The following TULP4 variants were observed in gnomAD, a reference collection of about 807,000 sequenced individuals.
TULP4 encodes the protein tubby-related protein 4.
In TULP4, 16 loss-of-function variants were observed where a neutral mutation model predicts 129.0. That is an observed-to-expected ratio of 0.12 (90% confidence interval 0.08 to 0.19). The LOEUF is 0.19. TULP4 is among the 10% of genes least tolerant of loss of function. TULP4 has a pLI of 1.00. For missense variants in TULP4, 1,842 were observed against 2,059.1 expected (o/e 0.89, Z 2.04); for synonymous variants, 998 against 854.0 (o/e 1.17, Z -2.94).
intron 1 of TULP4, among the ~76,000 whole-genome samples, chr6:158,245,375 T>A (rs1050151185): frequency 6.6e-5 from 10 of 152,096 alleles, no homozygotes; most frequent in African/African-American, 2.4e-4. Flanking sequence ...TGACTTCTGC[T>A]GTTCCTTCTC....
At chr6:158,302,990 C>T (rs113248456) in intron 1 of TULP4, among the ~76,000 whole-genome samples, 4,339 of 149,888 alleles carry the variant, frequency 0.029, 221 homozygotes, top group African/African-American at 0.1. Flanking sequence ...GGGATGTTTA[C>T]GCCAGGAGGA....
rs1780152119 is a variant in TULP4, at chr6:158,489,648, C to T, written c.1547C>T (p.Ser516Phe). The T allele has an allele frequency of 6.2e-7, 1 of 1,614,204 alleles. No homozygotes were observed. Among genetic ancestry groups the T allele is most frequent in the South Asian group, 1.1e-5 (1 of 91,086 alleles). ...TVIDSCNCSD[S>F]SDIELSDDWA... ...ATCGACAGCTGCAACTGCTCAGACT[C>T]CAGTGACATTGAGCTGAGTGATGAC... is the stretch of plus-strand genomic sequence containing the variant. The change falls in exon 9 of 14, where the codon TCC becomes TTC. Residue 516 changes from serine to phenylalanine, a missense_variant. By Grantham distance (155) the Ser-to-Phe change is radical. Around this residue, in one of 5 missense-constraint regions of TULP4, gnomAD observed 456 missense variants for 534.3 expected, o/e 0.85. Transcript: ENST00000367097.
chr6:158,342,124 G>A (rs1320207976), intron 1 of TULP4, among the ~76,000 whole-genome samples: 1 of 152,172 alleles, frequency 6.6e-6, no homozygotes, highest in Non-Finnish European at 1.5e-5. Flanking sequence ...CACCATGTTG[G>A]CCAGGCTGGT....
intron 1 of TULP4, among the ~76,000 whole-genome samples, chr6:158,400,153 A>G (rs1777807442): frequency 6.6e-6 from 1 of 152,240 alleles, no homozygotes; most frequent in Non-Finnish European, 1.5e-5. Flanking sequence ...AGTTTACCAA[A>G]TTGAAAAAAC....
chr6:158,258,311 G>C (rs1011530553), intron 1 of TULP4, among the ~76,000 whole-genome samples: 10 of 152,192 alleles, frequency 6.6e-5, no homozygotes, highest in Non-Finnish European at 1.5e-4. Flanking sequence ...CTCCCTCAGT[G>C]TTTCTGAGTT....
At chr6:158,245,969 A>G (rs777551145) in intron 1 of TULP4, among the ~76,000 whole-genome samples, 4 of 151,448 alleles carry the variant, frequency 2.6e-5, no homozygotes, top group Non-Finnish European at 4.4e-5. Flanking sequence ...ATAAGATTCA[A>G]ATTTCCTGGA....
intron 1 of TULP4, among the ~76,000 whole-genome samples, chr6:158,265,237 T>G (rs941517518): frequency 6.6e-6 from 1 of 152,180 alleles, no homozygotes; most frequent in African/African-American, 2.4e-5. Context: ...AGAACCTGTC[T>G]TCTGATTCCT....
intron 1 of TULP4, among the ~76,000 whole-genome samples, chr6:158,396,071 C>G (rs1186650003): frequency 6.6e-6 from 1 of 152,116 alleles, no homozygotes; most frequent in Non-Finnish European, 1.5e-5. Context: ...TTTCTCAGTG[C>G]TAAAAGTAGG....
intron 1 of TULP4, among the ~76,000 whole-genome samples, chr6:158,337,024 T>A (rs1484419121): frequency 3.7e-3 from 20 of 5,424 alleles, no homozygotes; most frequent in African/African-American, 6.7e-3. Context: ...TGTAAAATTT[T>A]CTTTCTTTCT....
At chr6:158,247,929 A>G (rs1283037196) in intron 1 of TULP4, among the ~76,000 whole-genome samples, 1 of 152,188 alleles carries the variant, frequency 6.6e-6, no homozygotes, top group Non-Finnish European at 1.5e-5. Context: ...CAGTTTCTTA[A>G]GCTTCAAATG....
At chr6:158,370,331 C>T (rs1337486966) in intron 1 of TULP4, among the ~76,000 whole-genome samples, 1 of 151,830 alleles carries the variant, frequency 6.6e-6, no homozygotes, top group Non-Finnish European at 1.5e-5. Context: ...GTGGCAGGCA[C>T]CTGTAATCCC....
intron 1 of TULP4, among the ~76,000 whole-genome samples, chr6:158,406,510 G>A (rs1221956142): frequency 6.6e-6 from 1 of 152,188 alleles, no homozygotes; most frequent in Non-Finnish European, 1.5e-5. Flanking sequence ...GCTATGATGA[G>A]TGGAAAAGAA....
intron 1 of TULP4, among the ~76,000 whole-genome samples, chr6:158,402,869 C>T (rs1241715463): frequency 6.7e-6 from 1 of 148,528 alleles, no homozygotes; most frequent in African/African-American, 2.5e-5. Flanking sequence ...ATCTCTGTGC[C>T]AGAATGCTGG....
rs565462605 is a variant in TULP4 at position 158,237,918 on chromosome 6, C to T, written n.68+5615C>T. 3.9e-4 allele frequency: 282 copies of T among 729,872 alleles called. 1 individual carries two copies. The African/African-American group carries it at 4.3e-3, about 11-fold the overall frequency. The allele number at this position is 729,872 out of a possible 1,614,324, so 45.2% of individuals were successfully genotyped here. A position where few individuals can be genotyped will look rare whatever the true frequency, so the allele number is the denominator to read the frequency against. ...TATGAATATCTTTTGGATTTTGTTTCCATAGCTGTTCTAGGTCACTAATTG... is the reference window on the plus strand; with the variant it reads ...TATGAATATCTTTTGGATTTTGTTTTCATAGCTGTTCTAGGTCACTAATTG... On this transcript the variant is annotated intron_variant and non_coding_transcript_variant, in intron 1 of 1. Coordinates refer to the TULP4 transcript ENST00000620026.
At chr6:158,251,477 A>C (rs1778138019) in intron 1 of TULP4, among the ~76,000 whole-genome samples, 1 of 152,176 alleles carries the variant, frequency 6.6e-6, no homozygotes, top group Non-Finnish European at 1.5e-5. Flanking sequence ...TTTTATATAT[A>C]GGGACATTTG....
At chr6:158,491,518 TG>T (rs1780210102) in intron 9 of TULP4, among the ~76,000 whole-genome samples, 1 of 149,050 alleles carries the variant, frequency 6.7e-6, no homozygotes, top group Non-Finnish European at 1.5e-5. Context: ...CTTTCTTTCT[TG>T]TCTCGCTCTG....
chr6:158,333,119 C>A (rs1244908434), intron 1 of TULP4, among the ~76,000 whole-genome samples: 4 of 152,124 alleles, frequency 2.6e-5, no homozygotes, highest in African/African-American at 9.7e-5. Flanking sequence ...GTTTACTACA[C>A]CTGTACTAAT....
chr6:158,494,307 C>T (rs1177082442), intron 10 of TULP4, among the ~76,000 whole-genome samples: 1 of 152,158 alleles, frequency 6.6e-6, no homozygotes, highest in Non-Finnish European at 1.5e-5. Flanking sequence ...TTTTGTCCAT[C>T]TTTATTTTTG....
At chr6:158,244,654 G>A (rs974330168) in intron 1 of TULP4, among the ~76,000 whole-genome samples, 7 of 152,056 alleles carry the variant, frequency 4.6e-5, no homozygotes, top group African/African-American at 1.4e-4. Context: ...TACCTTGCTG[G>A]TACCTTGATC....
Sources: allele counts gnomAD v4.1 joint callset (sites outside exome capture counted in the v4.1 genomes callset), GRCh38; gene constraint gnomAD v4.1.1; regional missense constraint gnomAD v4.1.1; transcripts MANE v1.5; gene names NCBI Gene and HGNC (gene_info 2026-07-23, HGNC 2026-07-21).